Variants in AFAP1L2 observed in about 807,000 individuals in gnomAD.
AFAP1L2 encodes the protein actin filament-associated protein 1-like 2.
AFAP1L2 carries 46 observed loss-of-function variants against 99.3 expected under a neutral mutation model. The observed-to-expected ratio is 0.46, with a 90% CI of 0.37 to 0.59. AFAP1L2 has a LOEUF of 0.59. AFAP1L2 is among the 20% of genes least tolerant of loss of function. AFAP1L2 has a pLI of 0.00. For synonymous variants in AFAP1L2, 397 were observed against 419.1 expected (o/e 0.95, Z 0.64); for missense variants, 959 against 1,034.9 (o/e 0.93, Z 1.01).
At chr10:114,284,709 C>T in the AFAP1L2 span, among the ~76,000 whole-genome samples, 1 of 152,188 alleles carries the variant, frequency 6.6e-6, no homozygotes, top group Non-Finnish European at 1.5e-5. Flanking sequence ...CAGTGCTTTC[C>T]CCTCTCTGCT....
At chr10:114,394,626 GAGAGGGAGGGA>G (rs1188850988) in intron 1 of AFAP1L2, among the ~76,000 whole-genome samples, 61 of 152,258 alleles carry the variant, frequency 4.0e-4, no homozygotes, top group African/African-American at 1.3e-3. Flanking sequence ...AGGGGAAGAA[GAGAGGGAGGGA>G]GAGAGGGAGG....
chr10:114,289,544 G>A, the AFAP1L2 span: 2 of 1,593,646 alleles, frequency 1.3e-6, no homozygotes, highest in Non-Finnish European at 1.7e-6. Context: ...CCCTCAGCCT[G>A]AGCCTTCACA....
intron 1 of AFAP1L2, among the ~76,000 whole-genome samples, chr10:114,364,911 T>C (rs2052985657): frequency 6.6e-6 from 1 of 152,200 alleles, no homozygotes. Context: ...TGTTTTGTTT[T>C]AACATCCATG....
At chr10:114,335,347 T>C (rs1407107425) in intron 2 of AFAP1L2, among the ~76,000 whole-genome samples, 1 of 152,100 alleles carries the variant, frequency 6.6e-6, no homozygotes, top group African/African-American at 2.4e-5. Context: ...GCACGGTGGC[T>C]CACATCTGTA....
intron 1 of AFAP1L2, among the ~76,000 whole-genome samples, chr10:114,349,747 A>G (rs2050175672): frequency 6.8e-6 from 1 of 147,732 alleles, no homozygotes; most frequent in Non-Finnish European, 1.5e-5. Context: ...AAATGTAAAT[A>G]ACTTTCTCCA....
At chr10:114,334,826 G>A (rs911158322) in intron 2 of AFAP1L2, among the ~76,000 whole-genome samples, 6 of 152,214 alleles carry the variant, frequency 3.9e-5, no homozygotes, top group African/African-American at 1.2e-4. Context: ...GGCAGGAGAC[G>A]GGGTCTCAAC....
the AFAP1L2 span, chr10:114,289,534 C>T: frequency 6.2e-7 from 1 of 1,604,084 alleles, no homozygotes; most frequent in South Asian, 1.1e-5. Context: ...CCATGGCAGG[C>T]CCTCAGCCTG....
chr10:114,293,930 A>T (rs10749158), downstream of AFAP1L2, among the ~76,000 whole-genome samples: 124,331 of 152,170 alleles, frequency 0.82, 52,214 homozygotes, highest in East Asian at 0.98. Context: ...TTTTCATCAT[A>T]ATAATTGTTT....
chr10:114,300,701 G>T lies in AFAP1L2; in HGVS notation c.1543-11C>A. On this transcript the variant is annotated splice_polypyrimidine_tract_variant and intron_variant, in intron 13 of 18. Coordinates refer to ENST00000304129, the MANE Select transcript of AFAP1L2 (RefSeq NM_001001936.3). ...CTCGGTAGGCTCCACCTGCAGGAGA[G>T]AGTGAGTCTGGGGCATTCAACATTA... 6.3e-7 allele frequency: 1 copy of T among 1,576,598 alleles called. No individual in the cohort carries two copies. The highest frequency in any genetic ancestry group is 8.6e-7 in the Non-Finnish European group (1 of 1,159,890).
At chr10:114,323,113 C>T in intron 5 of AFAP1L2, 58 bp downstream of exon 5, 1 of 1,464,144 alleles carries the variant, frequency 6.8e-7, no homozygotes, top group East Asian at 2.5e-5. Flanking sequence ...AAGTCTGCAC[C>T]AACATCTGTG....
chr10:114,391,682 G>T (rs185936679), intron 1 of AFAP1L2, among the ~76,000 whole-genome samples: 3 of 152,210 alleles, frequency 2.0e-5, no homozygotes, highest in Admixed American at 2.0e-4. Context: ...ACAAGATGAG[G>T]TGAGGGTTAA....
At chr10:114,380,443 G>A (rs1398930234) in intron 1 of AFAP1L2, among the ~76,000 whole-genome samples, 1 of 152,196 alleles carries the variant, frequency 6.6e-6, no homozygotes, top group Admixed American at 6.5e-5. Flanking sequence ...TTTATGTAAT[G>A]CATTTGTCAG....
intron 10 of AFAP1L2, among the ~76,000 whole-genome samples, chr10:114,306,105 A>G (rs76493917): frequency 1 from 35,716 of 35,850 alleles, 17,792 homozygotes; most frequent in Middle Eastern, 1. Flanking sequence ...AGATGCAGGA[A>G]GGGATGCAGA....
intron 1 of AFAP1L2, among the ~76,000 whole-genome samples, chr10:114,392,569 T>C (rs149382385): frequency 6.6e-6 from 1 of 152,272 alleles, no homozygotes; most frequent in Admixed American, 6.5e-5. Flanking sequence ...GTCAGAAATA[T>C]ACCGAATAAA....
chr10:114,355,377 C>T (rs1019131823), intron 1 of AFAP1L2, among the ~76,000 whole-genome samples: 1 of 151,472 alleles, frequency 6.6e-6, no homozygotes, highest in Non-Finnish European at 1.5e-5. Flanking sequence ...TGATTATAGG[C>T]GTGAGCCACC....
At chr10:114,389,287 T>A (rs1281380583) in intron 1 of AFAP1L2, among the ~76,000 whole-genome samples, 1 of 152,074 alleles carries the variant, frequency 6.6e-6, no homozygotes, top group Non-Finnish European at 1.5e-5. Context: ...AACTATTATT[T>A]CAAGTAGAAA....
chr10:114,332,812 G>C lies in AFAP1L2; in HGVS notation c.220+409C>G, dbSNP rs150294187. Among the ~76,000 whole-genome samples the C allele has an allele frequency of 8.2e-3, 1,253 of 152,276 alleles. 20 individuals are homozygous for C. The highest frequency in any genetic ancestry group is 0.029 in the African/African-American group (1,187 of 41,550). The stretch of plus-strand genomic sequence containing the variant: ...GTCAGCACCTTTGAACATCATCTTT[G>C]ACTATTAAGGCAGTTGCTGACACCA... On this transcript the variant is annotated intron_variant, in intron 3 of 18. Coordinates refer to ENST00000304129, the MANE Select transcript of AFAP1L2 (RefSeq NM_001001936.3).
intron 1 of AFAP1L2, among the ~76,000 whole-genome samples, chr10:114,388,579 C>A (rs1008348456): frequency 2.0e-5 from 3 of 152,216 alleles, no homozygotes; most frequent in Non-Finnish European, 4.4e-5. Flanking sequence ...AGAACACAAG[C>A]CCCATCAGGA....
At chr10:114,336,685 G>C (rs575770210) in intron 2 of AFAP1L2, among the ~76,000 whole-genome samples, 7 of 148,844 alleles carry the variant, frequency 4.7e-5, no homozygotes, top group Admixed American at 2.0e-4. Flanking sequence ...TGTCCCTGGA[G>C]CCTCTGAGGG....
Sources: gnomAD v4.1 joint callset for allele counts (sites outside exome capture counted in the v4.1 genomes callset) on GRCh38, gnomAD v4.1.1 for gene constraint, MANE v1.5 for transcripts, NCBI Gene and HGNC (gene_info 2026-07-23, HGNC 2026-07-21) for gene names.